The following ENPP3 variants were observed in gnomAD, a reference collection of about 807,000 sequenced individuals.
The protein encoded by ENPP3 is ectonucleotide pyrophosphatase/phosphodiesterase family member 3.
A neutral mutation model predicts 117.8 loss-of-function variants in ENPP3; 104 were observed. The ratio of observed to expected loss-of-function variants is 0.88; its 90% CI spans 0.75 to 1.04. The LOEUF is 1.04. ENPP3 is among the 50% of genes least tolerant of loss of function. ENPP3 has a pLI of 0.00. For synonymous variants in ENPP3, 380 were observed against 349.9 expected (o/e 1.09, Z -0.96); for missense variants, 1,026 against 1,051.9 (o/e 0.98, Z 0.34).
At chr6:131,658,541 C>T (rs1416000285) in intron 6 of ENPP3, 121 bp downstream of exon 6, 3 of 589,570 alleles carry the variant, frequency 5.1e-6, no homozygotes, top group Non-Finnish European at 8.9e-6. Flanking sequence ...TAGATCCTCT[C>T]TGACTTTACC....
At chr6:131,661,499 C>T (rs1053570481) in intron 6 of ENPP3, among the ~76,000 whole-genome samples, 42 of 151,694 alleles carry the variant, frequency 2.8e-4, no homozygotes, top group African/African-American at 8.7e-4. Context: ...GCTATGTTGC[C>T]CAGGCTGGCC....
In ENPP3 at chr6:131,652,546, A is replaced by C; in HGVS notation, c.282A>C (p.Arg94=). 1 of 1,614,036 alleles carries C rather than the reference A, an allele frequency of 6.2e-7. No individual in the cohort carries two copies. Among genetic ancestry groups the C allele is most frequent in the Non-Finnish European group, 8.5e-7 (1 of 1,179,904 alleles). ...DFEDTCVEST[R]IWMCNKFRCG... is the part of the protein sequence containing the mutation. ...CTGAATTGTATCGTTTTACAGCTCGAATATGGATGTGCAATAAATTTCGTT... is the reference window on the plus strand; with the variant it reads ...CTGAATTGTATCGTTTTACAGCTCGCATATGGATGTGCAATAAATTTCGTT... Residue 94 remains arginine, a synonymous_variant, in exon 4 of 25, where the codon CGA becomes CGC. Transcript: ENST00000357639.
intron 15 of ENPP3, among the ~76,000 whole-genome samples, chr6:131,718,222 A>G (rs1455196505): frequency 6.6e-6 from 1 of 152,244 alleles, no homozygotes; most frequent in East Asian, 1.9e-4. Flanking sequence ...CCCAGTTGCA[A>G]AGATTTATTC....
chr6:131,675,925 G>A (rs1778858369), intron 9 of ENPP3, among the ~76,000 whole-genome samples: 2 of 152,174 alleles, frequency 1.3e-5, no homozygotes, highest in South Asian at 2.1e-4. Context: ...ATGGCCCCCT[G>A]TGTCACTCAG....
intron 20 of ENPP3, among the ~76,000 whole-genome samples, chr6:131,730,678 C>T (rs540545471): frequency 7.2e-5 from 11 of 152,156 alleles, no homozygotes; most frequent in South Asian, 4.2e-4. Flanking sequence ...CACTTTGGGA[C>T]GCTGAGTGGA....
At chr6:131,675,220 C>A in intron 9 of ENPP3, 31 bp downstream of exon 9, 1 of 1,271,860 alleles carries the variant, frequency 7.9e-7, no homozygotes, top group Non-Finnish European at 1.2e-6. Context: ...ATTCTCCCAG[C>A]TAGGCAGAAA....
Position 131,674,242 on chromosome 6 carries a change from A to G in ENPP3, c.723A>G (p.Ser241=), listed in dbSNP as rs1778815027. The G allele has an allele frequency of 6.2e-7, 1 of 1,613,268 alleles. No individual in the cohort carries two copies. The highest frequency in any genetic ancestry group is 1.1e-5 in the South Asian group (1 of 91,070). Residue 241 remains serine, a synonymous_variant, in exon 8 of 25, where the codon TCA becomes TCG. Transcript: ENST00000357639. ...TCAACAAGAATTTTTCACTTTCTTC[A>G]AAGGAACAAAATAATCCAGCCTGGT... ...VNLNKNFSLS[S]KEQNNPAWWH...
chr6:131,671,021 C>T (rs1778728770), intron 6 of ENPP3, among the ~76,000 whole-genome samples: 1 of 152,046 alleles, frequency 6.6e-6, no homozygotes, highest in South Asian at 2.1e-4. Flanking sequence ...ACTGGCTCTT[C>T]CAGAAAAAAA....
chr6:131,722,364 C>T lies in ENPP3; in HGVS notation c.1705C>T (p.Pro569Ser). 6.2e-7 allele frequency: 1 copy of T among 1,613,998 alleles called. No homozygotes were observed. The highest frequency in any genetic ancestry group is 8.5e-7 in the Non-Finnish European group (1 of 1,179,942). The change falls in exon 18 of 25, where the codon CCC becomes TCC. Residue 569 changes from proline (P) to serine (S), a missense_variant. Physicochemically the swap from Pro to Ser is moderately conservative, Grantham distance 74. Transcript: ENST00000357639. ...FSVCGFANPL[P>S]TESLDCFCPH... ...TGTTTGTGGCTTTGCTAATCCATTG[C>T]CCACAGAGTCTCTTGACTGTTTCTG...
intron 14 of ENPP3, among the ~76,000 whole-genome samples, chr6:131,691,834 G>A (rs1779288327): frequency 1.3e-5 from 2 of 152,192 alleles, no homozygotes; most frequent in African/African-American, 4.8e-5. Flanking sequence ...CAGCTGCCAG[G>A]TTGTGCCTGC....
chr6:131,737,482 G>C, intron 22 of ENPP3, 50 bp downstream of exon 22: 1 of 1,034,262 alleles, frequency 9.7e-7, no homozygotes, highest in Non-Finnish European at 1.5e-6. Flanking sequence ...GTGACTCCTT[G>C]AACTTCCAAA....
chr6:131,696,161 A>G (rs1184296119), intron 15 of ENPP3, among the ~76,000 whole-genome samples: 2 of 152,122 alleles, frequency 1.3e-5, no homozygotes, highest in Non-Finnish European at 2.9e-5. Flanking sequence ...TAATTTGGGG[A>G]AACCTGATGT....
chr6:131,685,025 G>GT (rs1424986021), intron 12 of ENPP3, among the ~76,000 whole-genome samples: 1 of 152,072 alleles, frequency 6.6e-6, no homozygotes, highest in East Asian at 1.9e-4. Flanking sequence ...CCTCAAGTGA[G>GT]TTCCCCCCTC....
intron 1 of ENPP3, among the ~76,000 whole-genome samples, chr6:131,639,265 A>ATATATATTTTT (rs371737976): frequency 2.8e-5 from 3 of 107,184 alleles, no homozygotes; most frequent in African/African-American, 1.2e-4. Context: ...ATATATATAT[A>ATATATATTTTT]TTTTTTTTTT....
intron 15 of ENPP3, among the ~76,000 whole-genome samples, chr6:131,712,429 C>T (rs1779809005): frequency 6.8e-6 from 1 of 146,260 alleles, no homozygotes; most frequent in Non-Finnish European, 1.5e-5. Context: ...ACATATGCCT[C>T]ACTCCTGGGA....
intron 19 of ENPP3, among the ~76,000 whole-genome samples, chr6:131,724,978 G>A (rs1394479972): frequency 6.6e-6 from 1 of 151,110 alleles, no homozygotes; most frequent in Non-Finnish European, 1.5e-5. Context: ...GGAGGCTGAG[G>A]CAGACAGATC....
chr6:131,687,387 T>G (rs1779175671), intron 14 of ENPP3, among the ~76,000 whole-genome samples: 1 of 152,198 alleles, frequency 6.6e-6, no homozygotes, highest in Non-Finnish European at 1.5e-5. Flanking sequence ...GATTTAAATA[T>G]AAGACCTCAA....
intron 23 of ENPP3, among the ~76,000 whole-genome samples, chr6:131,738,961 T>C (rs1334278204): frequency 6.6e-6 from 1 of 152,206 alleles, no homozygotes; most frequent in Non-Finnish European, 1.5e-5. Flanking sequence ...AATATTTCAG[T>C]ATTGACTCTA....
chr6:131,659,121 T>C (rs1778445875), intron 6 of ENPP3, among the ~76,000 whole-genome samples: 1 of 152,228 alleles, frequency 6.6e-6, no homozygotes, highest in Admixed American at 6.5e-5. Context: ...TTAGGACACT[T>C]GGCCTTCACA....
Sources: allele counts gnomAD v4.1 joint callset (sites outside exome capture counted in the v4.1 genomes callset), GRCh38; gene constraint gnomAD v4.1.1; transcripts MANE v1.5; gene names NCBI Gene and HGNC (gene_info 2026-07-23, HGNC 2026-07-21).